The following SBF2 variants were observed in gnomAD, a reference collection of about 807,000 sequenced individuals.
SBF2 encodes the protein SET binding factor 2, also known as myotubularin-related protein 13.
A neutral mutation model predicts 225.2 loss-of-function variants in SBF2; 112 were observed. The ratio of observed to expected loss-of-function variants is 0.50; its 90% CI spans 0.43 to 0.58. The LOEUF (loss-of-function observed/expected upper bound fraction) is 0.58. Ranked by LOEUF, SBF2 falls within the 20% of genes least tolerant of loss-of-function variation. The pLI is 0.00. For synonymous variants in SBF2, 763 were observed against 773.3 expected (o/e 0.99, Z 0.22); for missense variants, 1,996 against 2,206.2 (o/e 0.90, Z 1.91).
At position 9,784,403 on chromosome 11, in the gene SBF2, A is replaced by C. The variant is rs1321556017; in HGVS notation, c.5267T>G (p.Leu1756Trp). 6.2e-7 allele frequency: 1 copy of C among 1,614,046 alleles called. No homozygotes were observed. The highest frequency in any genetic ancestry group is 8.5e-7 in the Non-Finnish European group (1 of 1,179,968). ...CCAACGGGGCTTCCAACCTTTCAGC[A>C]AAGCCCCTCTTTTATAAAGTGTTCC... ...FEGTLYKRGA[L>W]LKGWKPRWFV... Residue 1756 changes from leucine to tryptophan, a missense_variant, in exon 38 of 40, where the codon TTG becomes TGG. Leu to Trp is a moderately conservative substitution (Grantham distance 61). Transcript: ENST00000256190.
chr11:10,172,316 T>C (rs558273032), intron 2 of SBF2, among the ~76,000 whole-genome samples: 12 of 152,178 alleles, frequency 7.9e-5, no homozygotes, highest in African/African-American at 2.9e-4. Flanking sequence ...ATTCCATAGG[T>C]TTTGGTATGC....
chr11:9,896,226 C>T (rs1410534594), intron 16 of SBF2, among the ~76,000 whole-genome samples: 2 of 152,096 alleles, frequency 1.3e-5, no homozygotes, highest in African/African-American at 4.8e-5. Flanking sequence ...GTGTGAAGCA[C>T]ATTCTTTTAT....
chr11:10,160,072 G>C (rs1432799422), intron 2 of SBF2, among the ~76,000 whole-genome samples: 1 of 151,958 alleles, frequency 6.6e-6, no homozygotes, highest in East Asian at 1.9e-4. Context: ...GTTACAATTA[G>C]ACACGAAAAA....
intron 17 of SBF2, among the ~76,000 whole-genome samples, chr11:9,885,069 G>A (rs1860149628): frequency 1.3e-5 from 2 of 151,674 alleles, no homozygotes; most frequent in African/African-American, 4.8e-5. Context: ...TGGCCAACAT[G>A]GTAAAACCCT....
At chr11:9,947,400 T>C (rs1300142882) in intron 16 of SBF2, among the ~76,000 whole-genome samples, 1 of 152,182 alleles carries the variant, frequency 6.6e-6, no homozygotes, top group Non-Finnish European at 1.5e-5. Context: ...AAATATAATA[T>C]ACAAAGTCTA....
chr11:10,228,081 C>T (rs919399726), intron 1 of SBF2, among the ~76,000 whole-genome samples: 9 of 151,590 alleles, frequency 5.9e-5, no homozygotes, highest in African/African-American at 2.2e-4. Context: ...CTCTTTGAAG[C>T]AATTGTGAAT....
At chr11:10,072,064 T>C (rs1430282706) in intron 2 of SBF2, among the ~76,000 whole-genome samples, 1 of 152,208 alleles carries the variant, frequency 6.6e-6, no homozygotes, top group Non-Finnish European at 1.5e-5. Flanking sequence ...TTTGTATGCA[T>C]TTACATACAC....
chr11:9,901,820 T>G (rs1463719460), intron 16 of SBF2, among the ~76,000 whole-genome samples: 1 of 152,122 alleles, frequency 6.6e-6, no homozygotes, highest in South Asian at 2.1e-4. Flanking sequence ...AATTTTTGTA[T>G]TTTTTGTAGA....
intron 1 of SBF2, among the ~76,000 whole-genome samples, chr11:10,200,948 G>C (rs1957548687): frequency 6.6e-6 from 1 of 152,074 alleles, no homozygotes; most frequent in South Asian, 2.1e-4. Flanking sequence ...ATTTCCTGAG[G>C]ATAAAAGTCT....
chr11:9,889,620 C>G (rs960023177), intron 17 of SBF2, among the ~76,000 whole-genome samples: 3 of 152,066 alleles, frequency 2.0e-5, no homozygotes, highest in Non-Finnish European at 4.4e-5. Context: ...TGAAATAATA[C>G]AGGTTACCTA....
In SBF2 at chr11:9,841,244, G is replaced by A. The variant is rs1245983195; in HGVS notation, c.3256+1381C>T. On this transcript the variant is annotated intron_variant, in intron 25 of 39. Transcript: ENST00000256190. ...CTGTGTTGGCCTTTAATTTTCAGAG[G>A]AGCAAAGAACATTATATAATTTGGT... 3.3e-5 allele frequency among the ~76,000 whole-genome samples: 5 copies of A among 152,156 alleles called. 1 individual carries two copies. In the South Asian group the frequency reaches 1.0e-3, roughly 32 times the overall value.
At chr11:10,181,296 G>A (rs564160440) in intron 2 of SBF2, among the ~76,000 whole-genome samples, 3 of 152,106 alleles carry the variant, frequency 2.0e-5, no homozygotes, top group African/African-American at 7.2e-5. Context: ...ACATAACACT[G>A]AGCAAGCTAT....
chr11:9,795,934 C>G lies in SBF2; in HGVS notation c.4467G>C (p.Glu1489Asp). 1 of 1,613,576 alleles carries G rather than the reference C, an allele frequency of 6.2e-7. No homozygotes were observed. Among genetic ancestry groups the G allele is most frequent in the Non-Finnish European group, 8.5e-7 (1 of 1,179,944 alleles). ...TTAAGTAATAGAGATTGAATTCAAACTCAGTTGGATACTGGTTGTGAACCT... is the reference window on the plus strand; with the variant it reads ...TTAAGTAATAGAGATTGAATTCAAAGTCAGTTGGATACTGGTTGTGAACCT... ...VHQVHNQYPT[E>D]FEFNLYYLKF... Residue 1489 changes from glutamate (E) to aspartate (D), a missense_variant, in exon 33 of 40, where the codon GAG becomes GAC. By Grantham distance (45) the Glu-to-Asp change is conservative. Coordinates refer to ENST00000256190, the MANE Select transcript of SBF2 (RefSeq NM_030962.4).
At chr11:9,850,837 T>C (rs933359062) in intron 21 of SBF2, among the ~76,000 whole-genome samples, 7 of 152,176 alleles carry the variant, frequency 4.6e-5, no homozygotes, top group Non-Finnish European at 7.4e-5. Flanking sequence ...TGTGTTAACA[T>C]GGAAAAATAT....
At chr11:10,072,749 G>A (rs1382809290) in intron 2 of SBF2, among the ~76,000 whole-genome samples, 5 of 89,456 alleles carry the variant, frequency 5.6e-5, no homozygotes, top group Non-Finnish European at 1.2e-4. Flanking sequence ...TTTTTTTTTT[G>A]GAGACAGGGT....
Position 10,042,907 on chromosome 11 carries a change from G to A in SBF2, c.216C>T (p.Asp72=), listed in dbSNP as rs2134680886. 6.2e-7 allele frequency: 1 copy of A among 1,613,982 alleles called. No individual in the cohort carries two copies. The highest frequency in any genetic ancestry group is 1.7e-4 in the Middle Eastern group (1 of 6,058). Residue 72 remains aspartate, a synonymous_variant, in exon 3 of 40, where the codon GAC becomes GAT. Transcript: ENST00000256190. ...AGCAGTAATGTCGATCTGAGTCAATGTCTGTCAGGACAACCACAAAGAACG... is the reference window on the plus strand; with the variant it reads ...AGCAGTAATGTCGATCTGAGTCAATATCTGTCAGGACAACCACAAAGAACG... ...QPTFFVVVLT[D]IDSDRHYCSC... is the part of the protein sequence containing the mutation.
At chr11:9,930,178 G>GA (rs889366264) in intron 16 of SBF2, among the ~76,000 whole-genome samples, 4 of 151,722 alleles carry the variant, frequency 2.6e-5, no homozygotes, top group East Asian at 1.9e-4. Context: ...ACAAACAGGT[G>GA]AAAAAAAATG....
intron 6 of SBF2, among the ~76,000 whole-genome samples, chr11:10,006,007 C>T (rs73408800): frequency 0.011 from 1,624 of 152,232 alleles, 30 homozygotes; most frequent in African/African-American, 0.037. Context: ...ACAAGAGGTT[C>T]ATGAGAGTGG....
intron 2 of SBF2, among the ~76,000 whole-genome samples, chr11:10,049,539 G>A (rs1452504446): frequency 6.6e-6 from 1 of 152,000 alleles, no homozygotes; most frequent in African/African-American, 2.4e-5. Flanking sequence ...CCTGGGAGGC[G>A]GATGTTGCAG....
Sources: gnomAD v4.1 joint callset for allele counts (sites outside exome capture counted in the v4.1 genomes callset) on GRCh38, gnomAD v4.1.1 for gene constraint, MANE v1.5 for transcripts, NCBI Gene and HGNC (gene_info 2026-07-23, HGNC 2026-07-21) for gene names.